Variants in ZC3H6 observed in about 807,000 individuals in gnomAD.
ZC3H6 encodes zinc finger CCCH-type containing 6, also known as zinc finger CCCH domain-containing protein 6.
ZC3H6 carries 40 observed loss-of-function variants against 107.7 expected under a neutral mutation model. The observed-to-expected ratio is 0.37, with a 90% confidence interval of 0.29 to 0.48. The LOEUF (loss-of-function observed/expected upper bound fraction) is 0.48. Ranked by LOEUF, ZC3H6 falls within the 20% of genes least tolerant of loss-of-function variation. The pLI, the probability that ZC3H6 is intolerant of heterozygous loss-of-function variation, is 0.98. For missense variants in ZC3H6, 1,267 were observed against 1,410.4 expected, an observed-to-expected ratio of 0.90 and a Z score of 1.63; for synonymous variants, 493 against 487.9, an observed-to-expected ratio of 1.01 and a Z score of -0.14.
At chr2:112,278,951 C>G (rs1185950400) in intron 1 of ZC3H6, among the ~76,000 whole-genome samples, 4 of 152,124 alleles carry the variant, frequency 2.6e-5, no homozygotes, top group Non-Finnish European at 5.9e-5. Context: ...ACATTTTGCA[C>G]AAGATTGTTT....
chr2:112,301,102 A>G (rs1015855183), intron 2 of ZC3H6, among the ~76,000 whole-genome samples: 2 of 152,194 alleles, frequency 1.3e-5, no homozygotes, highest in African/African-American at 4.8e-5. Flanking sequence ...ACTTCCAGAA[A>G]CCAAGTTGCC....
At chr2:112,297,766 TGTATGAAAATTTG>T (rs1193960407) in intron 1 of ZC3H6, among the ~76,000 whole-genome samples, 1 of 151,920 alleles carries the variant, frequency 6.6e-6, no homozygotes, top group Non-Finnish European at 1.5e-5. Flanking sequence ...TTACTATCTG[TGTATGAAAATTTG>T]GTTTTTTGTT....
At chr2:112,291,257 A>T (rs1463601255) in intron 1 of ZC3H6, among the ~76,000 whole-genome samples, 1 of 151,904 alleles carries the variant, frequency 6.6e-6, no homozygotes. Flanking sequence ...TTTTTGGAAC[A>T]GAGTCTCACT....
At chr2:112,299,293 A>C (rs1485543864) in intron 1 of ZC3H6, among the ~76,000 whole-genome samples, 1 of 151,108 alleles carries the variant, frequency 6.6e-6, no homozygotes, top group Non-Finnish European at 1.5e-5. Context: ...AAAAAAAAAA[A>C]TTTAAGAACT....
At chr2:112,329,779 A>G (rs983618609) in intron 11 of ZC3H6, among the ~76,000 whole-genome samples, 2 of 152,210 alleles carry the variant, frequency 1.3e-5, no homozygotes, top group East Asian at 3.8e-4. Flanking sequence ...ATACATCTGT[A>G]TTCCATGTTC....
chr2:112,288,997 C>G (rs969843038), intron 1 of ZC3H6, among the ~76,000 whole-genome samples: 2 of 148,856 alleles, frequency 1.3e-5, no homozygotes, highest in African/African-American at 2.5e-5. Flanking sequence ...TGCCCACCCC[C>G]CCGCCACCAC....
intron 5 of ZC3H6, 136 bp from the exon 6 acceptor site, chr2:112,316,334 T>G: frequency 1.7e-6 from 1 of 582,800 alleles, no homozygotes; most frequent in Non-Finnish European, 3.0e-6. Context: ...TCCAAATAAA[T>G]GAATAGCATC....
intron 9 of ZC3H6, 117 bp from the exon 10 acceptor site, chr2:112,324,034 AC>A: frequency 8.9e-7 from 1 of 1,120,162 alleles, no homozygotes; most frequent in Non-Finnish European, 1.2e-6. Context: ...CTTCTTAAAC[AC>A]ACAGTATTCT....
chr2:112,332,200 C>G lies in ZC3H6; in HGVS notation c.3282C>G (p.Ile1094Met), dbSNP rs767484623. The G allele has an allele frequency of 6.2e-7, 1 of 1,613,986 alleles. No individual in the cohort carries two copies. Among genetic ancestry groups the G allele is most frequent in the Non-Finnish European group, 8.5e-7 (1 of 1,179,884 alleles). The change falls in exon 12 of 12, where the codon ATC (isoleucine) becomes ATG (methionine). Residue 1094 changes from isoleucine to methionine, a missense_variant. This residue lies in a region of ZC3H6 where 925 missense variants were observed against 1,025.7 expected (regional missense o/e 0.90). Transcript: ENST00000409871. Reference protein sequence around the residue: ...DKTEPSPGEAILPQKPSPNVG... With the variant: ...DKTEPSPGEAMLPQKPSPNVG... The stretch of plus-strand genomic sequence containing the variant: ...CTGAACCTTCTCCTGGAGAAGCCAT[C>G]CTTCCACAAAAACCCAGTCCAAACG...
At chr2:112,304,574 C>T (rs559537222) in intron 3 of ZC3H6, among the ~76,000 whole-genome samples, 1 of 152,310 alleles carries the variant, frequency 6.6e-6, no homozygotes, top group African/African-American at 2.4e-5. Flanking sequence ...ATTATAGGGA[C>T]ATCAGTCAAA....
chr2:112,329,754 A>G (rs919670807), intron 11 of ZC3H6, among the ~76,000 whole-genome samples: 4 of 152,216 alleles, frequency 2.6e-5, no homozygotes, highest in Non-Finnish European at 5.9e-5. Flanking sequence ...ACATATATGC[A>G]TATACAGTAT....
At chr2:112,292,272 T>C (rs562227502) in intron 1 of ZC3H6, among the ~76,000 whole-genome samples, 1 of 152,326 alleles carries the variant, frequency 6.6e-6, no homozygotes, top group East Asian at 1.9e-4. Context: ...GAGCAGATGA[T>C]TACGTATTCA....
At chr2:112,321,648 T>A in intron 7 of ZC3H6, 108 bp from the exon 8 acceptor site, 1 of 579,380 alleles carries the variant, frequency 1.7e-6, no homozygotes, top group Non-Finnish European at 3.0e-6. Flanking sequence ...CAATGTTACA[T>A]AGCAGATCTC....
At chr2:112,283,438 G>A (rs4392265) in intron 1 of ZC3H6, among the ~76,000 whole-genome samples, 99,447 of 151,958 alleles carry the variant, frequency 0.65, 34,533 homozygotes, top group African/African-American at 0.9. Context: ...ATCAAGTTCC[G>A]AGTAGTTTCT....
Position 112,339,474 on chromosome 2 carries a change from A to C in ZC3H6, c.*6986A>C, listed in dbSNP as rs1032435038. ...ACTGCCCCATCCACCCAGAATTCAG[A>C]AAGGGTTTGGCATAGATCCAGGGCT... On this transcript the variant is annotated 3_prime_UTR_variant, in exon 12 of 12. Coordinates refer to ENST00000409871, the MANE Select transcript of ZC3H6 (RefSeq NM_198581.3). 1 of 152,108 alleles carries C rather than the reference A, an allele frequency of 6.6e-6. No homozygotes were observed. Among genetic ancestry groups the C allele is most frequent in the African/African-American group, 2.4e-5 (1 of 41,418 alleles). 9.4% of individuals were successfully genotyped at this position (152,108 alleles called of 1,614,324 possible). A position where few individuals can be genotyped will look rare whatever the true frequency, so the allele number is the denominator to read the frequency against.
chr2:112,308,339 T>G (rs1449296921), intron 3 of ZC3H6, among the ~76,000 whole-genome samples: 1 of 151,966 alleles, frequency 6.6e-6, no homozygotes, highest in Non-Finnish European at 1.5e-5. Context: ...GATCTAATAC[T>G]TCATTGCATT....
intron 1 of ZC3H6, among the ~76,000 whole-genome samples, chr2:112,287,690 C>T (rs1686632568): frequency 1.3e-5 from 2 of 152,218 alleles, no homozygotes; most frequent in Non-Finnish European, 1.5e-5. Context: ...CAAGCTCCAC[C>T]TCCCGGGTTC....
At chr2:112,318,151 A>G (rs949160788) in intron 7 of ZC3H6, among the ~76,000 whole-genome samples, 3 of 152,232 alleles carry the variant, frequency 2.0e-5, no homozygotes, top group Admixed American at 1.3e-4. Context: ...GTGAAAAAAA[A>G]GAAAGTGAAT....
chr2:112,287,228 G>A (rs1686625461), intron 1 of ZC3H6, among the ~76,000 whole-genome samples: 1 of 152,036 alleles, frequency 6.6e-6, no homozygotes, highest in Non-Finnish European at 1.5e-5. Context: ...TAGTTCCCCA[G>A]TCTGCACTGA....
Sources: allele counts gnomAD v4.1 joint callset (sites outside exome capture counted in the v4.1 genomes callset), GRCh38; gene constraint gnomAD v4.1.1; regional missense constraint gnomAD v4.1.1; transcripts MANE v1.5; gene names NCBI Gene and HGNC (gene_info 2026-07-23, HGNC 2026-07-21).